Variants in VSNL1 observed in about 807,000 individuals in gnomAD.
VSNL1 encodes the protein visinin like 1.
A neutral mutation model predicts 20.4 loss-of-function variants in VSNL1; 6 were observed. That is an observed-to-expected ratio of 0.29 (90% CI 0.16 to 0.58). The LOEUF (loss-of-function observed/expected upper bound fraction) is 0.58, where lower values mean the gene tolerates loss of function less well. VSNL1 is among the 20% of genes least tolerant of loss of function. The pLI is 0.90. For synonymous variants in VSNL1, 93 were observed against 86.4 expected, an observed-to-expected ratio of 1.08 and a Z score of -0.42; for missense variants, 100 against 234.5, an observed-to-expected ratio of 0.43 and a Z score of 3.75.
At chr2:17,590,601 G>A (rs1220266339) in intron 1 of VSNL1, among the ~76,000 whole-genome samples, 2 of 152,210 alleles carry the variant, frequency 1.3e-5, no homozygotes, top group Non-Finnish European at 2.9e-5. Context: ...AGATTGTGCT[G>A]AGTGGAAATT....
chr2:17,615,801 T>C (rs1169130825), intron 2 of VSNL1, among the ~76,000 whole-genome samples: 1 of 152,198 alleles, frequency 6.6e-6, no homozygotes, highest in Non-Finnish European at 1.5e-5. Flanking sequence ...CAGTCCTTTT[T>C]AATCAGGAAA....
intron 3 of VSNL1, among the ~76,000 whole-genome samples, chr2:17,654,844 G>A (rs112560531): frequency 2.6e-5 from 4 of 152,064 alleles, no homozygotes; most frequent in African/African-American, 7.2e-5. Context: ...CACATCCCAC[G>A]CTCCAGCAGC....
At chr2:17,544,679 G>A (rs1663369037) in intron 1 of VSNL1, among the ~76,000 whole-genome samples, 1 of 152,112 alleles carries the variant, frequency 6.6e-6, no homozygotes, top group South Asian at 2.1e-4. Flanking sequence ...TATTTTCACT[G>A]TTCTCAAGGT....
chr2:17,594,041 G>C (rs969172405), intron 2 of VSNL1, among the ~76,000 whole-genome samples: 2 of 152,224 alleles, frequency 1.3e-5, no homozygotes, highest in African/African-American at 4.8e-5. Context: ...AATGAGAGGG[G>C]TATTGCCTTT....
At chr2:17,645,263 T>C (rs1665968060) in intron 2 of VSNL1, among the ~76,000 whole-genome samples, 1 of 152,220 alleles carries the variant, frequency 6.6e-6, no homozygotes, top group Non-Finnish European at 1.5e-5. Flanking sequence ...AGCTGTTGCA[T>C]GGGCAGGGGT....
chr2:17,560,672 A>G (rs1663792843), intron 1 of VSNL1, among the ~76,000 whole-genome samples: 1 of 152,198 alleles, frequency 6.6e-6, no homozygotes, highest in African/African-American at 2.4e-5. Context: ...AATCTAAGCG[A>G]CATTTGGATA....
At position 17,649,565 on chromosome 2, in the gene VSNL1, T is replaced by A; in HGVS notation, c.318T>A (p.Asn106Lys). The A allele has an allele frequency of 6.2e-7, 1 of 1,614,028 alleles. No homozygotes were observed. The highest frequency in any genetic ancestry group is 8.5e-7 in the Non-Finnish European group (1 of 1,180,000). ...SFEQKLNWAFNMYDLDGDGKI... is the reference protein window; with the variant it reads ...SFEQKLNWAFKMYDLDGDGKI... ...AGCAGAAGCTGAACTGGGCCTTCAA[T>A]ATGTATGACCTGGATGGTGATGGCA... Residue 106 changes from asparagine (N) to lysine (K), a missense_variant, in exon 3 of 4, where the codon AAT becomes AAA. Coordinates refer to ENST00000295156, the MANE Select transcript of VSNL1 (RefSeq NM_003385.5). The surrounding 1 kb of genome is among the most constrained non-coding windows in gnomAD (Gnocchi z 6.4).
At chr2:17,572,370 G>A (rs923266403) in intron 1 of VSNL1, among the ~76,000 whole-genome samples, 12 of 152,116 alleles carry the variant, frequency 7.9e-5, no homozygotes, top group African/African-American at 2.7e-4. Context: ...ATACAGATAT[G>A]TAAATAAGAC....
At position 17,634,646 on chromosome 2, in the gene VSNL1, A is replaced by C. The variant is rs1369298669; in HGVS notation, c.163-14764A>C. Among the ~76,000 whole-genome samples, 1 of 152,232 alleles carries C rather than the reference A, an allele frequency of 6.6e-6. No homozygotes were observed. The highest frequency in any genetic ancestry group is 1.5e-5 in the Non-Finnish European group (1 of 68,046). ...CTCCTCTGAGATCAGCAAAGTAAGAATGAGCCTCTCAGGTCGTAGTAGGGT... is the reference window on the plus strand; with the variant it reads ...CTCCTCTGAGATCAGCAAAGTAAGACTGAGCCTCTCAGGTCGTAGTAGGGT... On this transcript the variant is annotated intron_variant, in intron 2 of 3. Coordinates refer to ENST00000295156, the MANE Select transcript of VSNL1 (RefSeq NM_003385.5). The surrounding 1 kb of genome is among the most constrained non-coding windows in gnomAD (Gnocchi z 4.3).
In VSNL1 at chr2:17,649,996, G is replaced by A. The variant is rs1367718189; in HGVS notation, c.378+371G>A. ...GGACCCGAGGCTGTCAGGGGCTCCC[G>A]GGACATCCTTCCAGGTTCTGGTCAT... On this transcript the variant is annotated intron_variant, in intron 3 of 3. Coordinates refer to ENST00000295156, the MANE Select transcript of VSNL1 (RefSeq NM_003385.5). This position sits in a 1 kb window ranked among gnomAD's most constrained non-coding sequence, Gnocchi z 6.4. Among the ~76,000 whole-genome samples the A allele has an allele frequency of 2.6e-5, 4 of 152,160 alleles. No individual in the cohort carries two copies. Among genetic ancestry groups the A allele is most frequent in the Non-Finnish European group, 5.9e-5 (4 of 68,026 alleles).
chr2:17,631,982 G>C (rs1324294485), intron 2 of VSNL1, among the ~76,000 whole-genome samples: 1 of 152,230 alleles, frequency 6.6e-6, no homozygotes, highest in Non-Finnish European at 1.5e-5. Flanking sequence ...CGCCTCCCGG[G>C]TTCAAGTAAT....
At chr2:17,616,990 G>A (rs967614637) in intron 2 of VSNL1, among the ~76,000 whole-genome samples, 3 of 152,184 alleles carry the variant, frequency 2.0e-5, no homozygotes, top group African/African-American at 7.2e-5. Flanking sequence ...GGGGTTGGCC[G>A]TACAGTGAAA....
chr2:17,573,344 G>T (rs1213320245), intron 1 of VSNL1, among the ~76,000 whole-genome samples: 1 of 152,056 alleles, frequency 6.6e-6, no homozygotes, highest in African/African-American at 2.4e-5. Context: ...GTAAGGCATT[G>T]AATGCCTGAA....
intron 1 of VSNL1, among the ~76,000 whole-genome samples, chr2:17,553,344 C>T (rs904553769): frequency 1.3e-5 from 2 of 152,104 alleles, no homozygotes; most frequent in Non-Finnish European, 2.9e-5. Flanking sequence ...GAAATTATCT[C>T]AAATTCAGAA....
intron 2 of VSNL1, among the ~76,000 whole-genome samples, chr2:17,604,712 AC>A (rs1187801820): frequency 6.6e-6 from 1 of 152,216 alleles, no homozygotes; most frequent in Non-Finnish European, 1.5e-5. Flanking sequence ...CATACTCAAA[AC>A]ATTTTGGTCT....
At chr2:17,623,407 C>T (rs1472772946) in intron 2 of VSNL1, among the ~76,000 whole-genome samples, 3 of 151,616 alleles carry the variant, frequency 2.0e-5, no homozygotes, top group Non-Finnish European at 2.9e-5. Context: ...CGGTGGCTCA[C>T]GTCTGTAATC....
At chr2:17,644,349 G>A (rs1225857277) in intron 2 of VSNL1, among the ~76,000 whole-genome samples, 2 of 152,194 alleles carry the variant, frequency 1.3e-5, no homozygotes, top group Non-Finnish European at 2.9e-5. Flanking sequence ...AGTTAGAGGT[G>A]AGCTCATCTG....
intron 2 of VSNL1, among the ~76,000 whole-genome samples, chr2:17,620,347 T>C (rs1229543668): frequency 6.6e-6 from 1 of 152,188 alleles, no homozygotes; most frequent in Non-Finnish European, 1.5e-5. Context: ...AGTGGTTCAT[T>C]CTGGAAGCAG....
chr2:17,635,218 G>A (rs566164067), intron 2 of VSNL1, among the ~76,000 whole-genome samples: 3 of 152,264 alleles, frequency 2.0e-5, no homozygotes, highest in East Asian at 3.9e-4. Context: ...ACGAATGCTC[G>A]GAGATGGAAC....
Sources: allele counts gnomAD v4.1 joint callset (sites outside exome capture counted in the v4.1 genomes callset), GRCh38; gene constraint gnomAD v4.1.1; non-coding constraint Gnocchi (gnomAD v3.1); transcripts MANE v1.5; gene names NCBI Gene and HGNC (gene_info 2026-07-23, HGNC 2026-07-21).